The following FCF1 variants were observed in gnomAD, a reference collection of about 807,000 sequenced individuals.
The protein encoded by FCF1 is FCF1 rRNA-processing protein.
Under a neutral mutation model 32.5 loss-of-function variants are expected in FCF1, and 17 were observed. That is an observed-to-expected ratio of 0.52 (90% CI 0.36 to 0.78). The LOEUF is 0.78. FCF1 is among the 30% of genes least tolerant of loss of function. The pLI, the probability that FCF1 is intolerant of heterozygous loss-of-function variation, is 0.00. For missense variants in FCF1, 201 were observed against 241.1 expected, an observed-to-expected ratio of 0.83 and a Z score of 1.10; for synonymous variants, 84 against 78.4, an observed-to-expected ratio of 1.07 and a Z score of -0.38.
At chr14:74,714,739 A>G in intron 2 of FCF1, 133 bp from the exon 3 acceptor site, 2 of 1,212,492 alleles carry the variant, frequency 1.6e-6, no homozygotes, top group South Asian at 2.9e-5. Context: ...TGCTGATATT[A>G]ACATGAGGAT....
At chr14:74,726,392 T>TA (rs2090578238) in intron 5 of FCF1, among the ~76,000 whole-genome samples, 1 of 151,468 alleles carries the variant, frequency 6.6e-6, no homozygotes. Flanking sequence ...GAGGCTGAGG[T>TA]AGGAGGATTG....
At chr14:74,733,249 C>G (rs1340870788) in intron 6 of FCF1, among the ~76,000 whole-genome samples, 5 of 152,190 alleles carry the variant, frequency 3.3e-5, no homozygotes, top group African/African-American at 4.8e-5. Context: ...GAGAGTCTCC[C>G]AAGATGCTGT....
intron 2 of FCF1, 133 bp downstream of exon 2, chr14:74,713,685 C>G: frequency 1.3e-6 from 1 of 746,748 alleles, no homozygotes; most frequent in Non-Finnish European, 2.2e-6. Flanking sequence ...CATGAGATAG[C>G]CAGTGTTTAA....
chr14:74,724,991 T>C (rs1402496565), intron 5 of FCF1, among the ~76,000 whole-genome samples: 1 of 151,932 alleles, frequency 6.6e-6, no homozygotes, highest in Non-Finnish European at 1.5e-5. Context: ...TTCGCTGTTA[T>C]ATGTGTGTAT....
intron 1 of FCF1, 38 bp downstream of exon 1, chr14:74,713,238 C>G (rs1477172271): frequency 6.2e-7 from 1 of 1,614,184 alleles, no homozygotes; most frequent in East Asian, 2.2e-5. Flanking sequence ...GTTATCAGGC[C>G]ACTTTTTGGG....
At chr14:74,728,952 C>G (rs1355422887) in intron 5 of FCF1, among the ~76,000 whole-genome samples, 2 of 152,030 alleles carry the variant, frequency 1.3e-5, no homozygotes, top group African/African-American at 4.8e-5. Flanking sequence ...GGGATGAAGC[C>G]CACTTGATCA....
At position 74,735,081 on chromosome 14, in the gene FCF1, G is replaced by T; in HGVS notation, c.*151G>T. The T allele has an allele frequency of 4.0e-5, 20 of 501,172 alleles. No homozygotes were observed. The highest frequency in any genetic ancestry group is 4.7e-5 in the Non-Finnish European group (13 of 274,502). 31.0% of individuals were successfully genotyped at this position (501,172 alleles called of 1,614,324 possible). On this transcript the variant is annotated 3_prime_UTR_variant, in exon 8 of 8. Transcript: ENST00000341162. ...TTATTTAGGTGCACCAGCCCAGTCA[G>T]ATTAACATCCAAAGGACTGAACCCT...
chr14:74,726,695 C>T (rs1270650882), intron 5 of FCF1, among the ~76,000 whole-genome samples: 2 of 151,572 alleles, frequency 1.3e-5, no homozygotes, highest in East Asian at 1.9e-4. Flanking sequence ...CATGCTGGTG[C>T]GCTGCACCCA....
At chr14:74,719,555 G>GT (rs777864030) in intron 4 of FCF1, among the ~76,000 whole-genome samples, 7 of 152,110 alleles carry the variant, frequency 4.6e-5, no homozygotes, top group Non-Finnish European at 8.8e-5. Flanking sequence ...GAGCCCAGGA[G>GT]TTTGAGACCA....
intron 6 of FCF1, 34 bp downstream of exon 6, chr14:74,732,852 TAAA>T: frequency 7.1e-6 from 7 of 984,764 alleles, no homozygotes; most frequent in South Asian, 3.3e-5. Context: ...ACTTTGTGCT[TAAA>T]AAAAAAAAAT....
Position 74,734,114 on chromosome 14 carries a change from G to A in FCF1, c.492G>A (p.Leu164=), listed in dbSNP as rs1408272739. ...TTGTGGCCACAGTTGACCGGGACCT[G>A]AAAAGAAGAATCCGTAAGATTCCTG... ...CYIVATVDRD[L]KRRIRKIPGV... The change falls in exon 7 of 8, where the codon CTG becomes CTA. Residue 164 remains leucine (L), a synonymous_variant. Transcript: ENST00000341162. 10 of 1,613,756 alleles carry A rather than the reference G, an allele frequency of 6.2e-6. No homozygotes were observed. Among genetic ancestry groups the A allele is most frequent in the Non-Finnish European group, 8.5e-6 (10 of 1,179,740 alleles).
At position 74,723,466 on chromosome 14, in the gene FCF1, G is replaced by C. The variant is rs184057397; in HGVS notation, c.365+122G>C. On this transcript the variant is annotated intron_variant, in intron 5 of 7. Transcript: ENST00000341162. Reference sequence around the variant, plus strand: ...CATACAAAACTATTTATCATTTTTGGGGGGGTTGTTTTGGTCTTTCTCTCA... The same window carrying C: ...CATACAAAACTATTTATCATTTTTGCGGGGGTTGTTTTGGTCTTTCTCTCA... 16 of 696,908 alleles carry C rather than the reference G, an allele frequency of 2.3e-5. No individual in the cohort carries two copies. In the African/African-American group the frequency reaches 2.4e-4, roughly 11 times the overall value. 43.2% of individuals were successfully genotyped at this position (696,908 alleles called of 1,614,324 possible).
In FCF1 at chr14:74,736,690, A is replaced by G. The variant is rs947271912; in HGVS notation, c.*1760A>G. ...TATAAATTGTCAATTTACAATAAAA[A>G]ATTTTTGTTGCGTCTTTTTAGAAAT... On this transcript the variant is annotated 3_prime_UTR_variant, in exon 8 of 8. Transcript: ENST00000341162. 4 of 152,140 alleles carry G rather than the reference A, an allele frequency of 2.6e-5. No homozygotes were observed. Among genetic ancestry groups the G allele is most frequent in the Admixed American group, 6.6e-5 (1 of 15,260 alleles). The allele number at this position is 152,140 out of a possible 1,614,324, so 9.4% of individuals were successfully genotyped here.
intron 2 of FCF1, among the ~76,000 whole-genome samples, chr14:74,713,826 A>G (rs2090371094): frequency 6.6e-6 from 1 of 152,148 alleles, no homozygotes; most frequent in South Asian, 2.1e-4. Context: ...CAGTTCGGTG[A>G]AGTCCGTATA....
rs776848294 is a variant in FCF1 at position 74,734,980 on chromosome 14, T to G, written c.*50T>G. The G allele has an allele frequency of 6.8e-7, 1 of 1,470,148 alleles. No homozygotes were observed. 91.1% of individuals were successfully genotyped at this position (1,470,148 alleles called of 1,614,324 possible). On this transcript the variant is annotated 3_prime_UTR_variant, in exon 8 of 8. Transcript: ENST00000341162. ...CCTTTCTTCGACCAACTTTCTCTTGTTGCCAGTTCATTACACAAAATGTAG... is the reference window on the plus strand; with the variant it reads ...CCTTTCTTCGACCAACTTTCTCTTGGTGCCAGTTCATTACACAAAATGTAG...
chr14:74,713,510 A>G lies in FCF1; in HGVS notation c.29A>G (p.Tyr10Cys), dbSNP rs1347967970. 2 of 1,612,448 alleles carry G rather than the reference A, an allele frequency of 1.2e-6. No homozygotes were observed. Among genetic ancestry groups the G allele is most frequent in the African/African-American group, 2.7e-5 (2 of 74,904 alleles). MGKQKKTRK[Y>C]ATMKRMLSLR... The stretch of plus-strand genomic sequence containing the variant: ...GGGAAGCAAAAGAAAACAAGGAAGT[A>G]TGCGACCATGAAGCGAATGCTTAGT... Residue 10 changes from tyrosine to cysteine, a missense_variant, in exon 2 of 8, where the codon TAT becomes TGT. Coordinates refer to ENST00000341162, the MANE Select transcript of FCF1 (RefSeq NM_015962.5).
intron 5 of FCF1, among the ~76,000 whole-genome samples, chr14:74,726,211 C>T (rs1055531391): frequency 6.6e-6 from 1 of 151,936 alleles, no homozygotes; most frequent in Non-Finnish European, 1.5e-5. Context: ...AGCAGTCAGG[C>T]ACTGTGGCTC....
intron 2 of FCF1, among the ~76,000 whole-genome samples, 190 bp from the exon 3 acceptor site, chr14:74,714,682 T>C (rs915419073): frequency 6.6e-6 from 1 of 152,156 alleles, no homozygotes. Flanking sequence ...ATTCTGATAC[T>C]TCCAGGTACT....
intron 2 of FCF1, 78 bp downstream of exon 2, chr14:74,713,630 TA>T: frequency 7.5e-7 from 1 of 1,334,984 alleles, no homozygotes; most frequent in Non-Finnish European, 1.0e-6. Flanking sequence ...TGTTTGTTGT[TA>T]TTATTTTGTT....
Sources: gnomAD v4.1 joint callset for allele counts (sites outside exome capture counted in the v4.1 genomes callset) on GRCh38, gnomAD v4.1.1 for gene constraint, MANE v1.5 for transcripts, NCBI Gene and HGNC (gene_info 2026-07-23, HGNC 2026-07-21) for gene names.